IL18R1: variants seen among roughly 807,000 people sequenced by gnomAD.
The protein encoded by IL18R1 is interleukin-18 receptor 1.
IL18R1 carries 40 observed loss-of-function variants against 48.5 expected under a neutral mutation model. That is an observed-to-expected ratio of 0.82 (90% CI 0.64 to 1.07). IL18R1 has a LOEUF of 1.07. Ranked by LOEUF, IL18R1 falls within the 50% of genes least tolerant of loss-of-function variation. IL18R1 has a pLI of 0.00. For synonymous variants in IL18R1, 232 were observed against 225.9 expected, an observed-to-expected ratio of 1.03 and a Z score of -0.24; for missense variants, 596 against 633.7, an observed-to-expected ratio of 0.94 and a Z score of 0.64.
intron 5 of IL18R1, among the ~76,000 whole-genome samples, chr2:102,378,004 C>T (rs1361265504): frequency 6.6e-6 from 1 of 152,210 alleles, no homozygotes; most frequent in Non-Finnish European, 1.5e-5. Flanking sequence ...GTATAATCAT[C>T]TACCCTAAAC....
At position 102,386,897 on chromosome 2, in the gene IL18R1, G is replaced by C. The variant is rs1310550045; in HGVS notation, c.846G>C (p.Leu282Phe). The C allele has an allele frequency of 6.2e-7, 1 of 1,614,136 alleles. No individual in the cohort carries two copies. Among genetic ancestry groups the C allele is most frequent in the Admixed American group, 1.7e-5 (1 of 60,022 alleles). Residue 282 changes from leucine (L) to phenylalanine (F), a missense_variant, in exon 8 of 11, where the codon TTG becomes TTC. Leu to Phe is a conservative substitution (Grantham distance 22). Around this residue, in one of 3 missense-constraint regions of IL18R1, gnomAD observed 360 missense variants for 339.4 expected, o/e 1.06. Coordinates refer to ENST00000233957, the MANE Select transcript of IL18R1 (RefSeq NM_003855.5). ...GCAAATGGCATGCTTCAAAAGTATTGAGAATTGAAAATATTGGTGAAAGCA... is the reference window on the plus strand; with the variant it reads ...GCAAATGGCATGCTTCAAAAGTATTCAGAATTGAAAATATTGGTGAAAGCA... Reference protein sequence around the residue: ...PEGKWHASKVLRIENIGESNL... With the variant: ...PEGKWHASKVFRIENIGESNL...
chr2:102,359,817 T>G (rs1387833982), intron 1 of IL18R1, among the ~76,000 whole-genome samples: 1 of 152,162 alleles, frequency 6.6e-6, no homozygotes, highest in Admixed American at 6.5e-5. Flanking sequence ...TCGAGTAACA[T>G]CCAGGAAATA....
chr2:102,369,796 A>G (rs981122958), intron 3 of IL18R1, among the ~76,000 whole-genome samples: 1 of 152,234 alleles, frequency 6.6e-6, no homozygotes, highest in Non-Finnish European at 1.5e-5. Context: ...TTAGGAGTAC[A>G]TTGCTAATAA....
chr2:102,369,612 TACAG>T (rs1473137645), intron 3 of IL18R1, among the ~76,000 whole-genome samples: 4 of 152,198 alleles, frequency 2.6e-5, no homozygotes, highest in African/African-American at 9.7e-5. Flanking sequence ...GCATAGAAGA[TACAG>T]ACATATTCAA....
intron 8 of IL18R1, 48 bp downstream of exon 8, chr2:102,387,048 C>T (rs774704890): frequency 6.4e-7 from 1 of 1,574,020 alleles, no homozygotes; most frequent in South Asian, 1.2e-5. Flanking sequence ...CTCATTGCTA[C>T]TGAGAGACAT....
At chr2:102,389,447 T>A (rs905183003) in intron 8 of IL18R1, among the ~76,000 whole-genome samples, 2 of 152,226 alleles carry the variant, frequency 1.3e-5, no homozygotes, top group African/African-American at 4.8e-5. Flanking sequence ...CAAATGATAC[T>A]TTTATACAAA....
At chr2:102,360,418 C>T (rs552243102) in intron 1 of IL18R1, among the ~76,000 whole-genome samples, 16 of 152,230 alleles carry the variant, frequency 1.1e-4, no homozygotes, top group African/African-American at 3.6e-4. Flanking sequence ...TGCCTGCCAA[C>T]GTGCCTGGCT....
At chr2:102,389,939 G>A (rs565614870) in intron 8 of IL18R1, 117 bp from the exon 9 acceptor site, 105 of 831,900 alleles carry the variant, frequency 1.3e-4, no homozygotes, top group Non-Finnish European at 1.8e-4. Context: ...GTGTCAGCAC[G>A]TGGGTTGGCA....
At chr2:102,375,850 C>T (rs906509924) in intron 4 of IL18R1, 57 bp from the exon 5 acceptor site, 4 of 1,251,674 alleles carry the variant, frequency 3.2e-6, no homozygotes, top group African/African-American at 1.6e-5. Context: ...ATTTGGATCA[C>T]TGTAATATCA....
chr2:102,368,123 A>T, intron 3 of IL18R1, 55 bp downstream of exon 3: 1 of 1,595,442 alleles, frequency 6.3e-7, no homozygotes, highest in Non-Finnish European at 8.6e-7. Flanking sequence ...TCCTTTGTTC[A>T]GCAACTCAAA....
At chr2:102,371,611 C>G (rs2105061441) in intron 3 of IL18R1, among the ~76,000 whole-genome samples, 1 of 152,288 alleles carries the variant, frequency 6.6e-6, no homozygotes. Flanking sequence ...ACTCTCTGAA[C>G]TTATCCATCA....
intron 4 of IL18R1, 110 bp downstream of exon 4, chr2:102,372,228 C>T (rs1351533287): frequency 2.4e-6 from 2 of 838,038 alleles, no homozygotes; most frequent in Admixed American, 3.4e-5. Context: ...GCTGCCTGAT[C>T]CCACATGGCT....
chr2:102,392,124 A>G lies in IL18R1; in HGVS notation c.1111+1907A>G, dbSNP rs1026741704. On this transcript the variant is annotated intron_variant, in intron 9 of 10. Coordinates refer to ENST00000233957, the MANE Select transcript of IL18R1 (RefSeq NM_003855.5). ...AAGCAAAACAGCCTTCTTAACCTCA[A>G]GTTATACAAAAATTATATTAGTTCC... Among the ~76,000 whole-genome samples the G allele has an allele frequency of 2.0e-5, 3 of 152,200 alleles. No homozygotes were observed. The South Asian group carries it at 6.2e-4, about 31-fold the overall frequency.
At chr2:102,382,459 T>A (rs1347907559) in intron 6 of IL18R1, among the ~76,000 whole-genome samples, 5 of 152,124 alleles carry the variant, frequency 3.3e-5, no homozygotes, top group Admixed American at 3.3e-4. Context: ...TCCAATTGAG[T>A]AATTTCTTTC....
intron 1 of IL18R1, among the ~76,000 whole-genome samples, chr2:102,360,078 G>A (rs533998442): frequency 6.6e-6 from 1 of 152,232 alleles, no homozygotes; most frequent in African/African-American, 2.4e-5. Flanking sequence ...CAAAAAAACT[G>A]AGCCATCCTG....
intron 9 of IL18R1, among the ~76,000 whole-genome samples, chr2:102,393,560 G>A (rs1680660476): frequency 6.6e-6 from 1 of 152,188 alleles, no homozygotes; most frequent in South Asian, 2.1e-4. Context: ...CACCATAAGA[G>A]ACATAGATCT....
chr2:102,393,604 G>A (rs1334618623), intron 9 of IL18R1, among the ~76,000 whole-genome samples: 1 of 152,166 alleles, frequency 6.6e-6, no homozygotes, highest in Non-Finnish European at 1.5e-5. Context: ...TTTAATAGGG[G>A]TTGCAGTTAT....
chr2:102,357,274 G>A (rs894252658), intron 1 of IL18R1, among the ~76,000 whole-genome samples: 3 of 152,076 alleles, frequency 2.0e-5, no homozygotes, highest in African/African-American at 2.4e-5. Flanking sequence ...GGCGGATCAT[G>A]AGGTCAGGAG....
intron 5 of IL18R1, among the ~76,000 whole-genome samples, chr2:102,380,576 C>T (rs1337841794): frequency 1.3e-5 from 2 of 152,212 alleles, no homozygotes; most frequent in African/African-American, 4.8e-5. Context: ...ATAACCCAGA[C>T]CTGACTCTGA....
Sources: allele counts gnomAD v4.1 joint callset (sites outside exome capture counted in the v4.1 genomes callset), GRCh38; gene constraint gnomAD v4.1.1; regional missense constraint gnomAD v4.1.1; transcripts MANE v1.5; gene names NCBI Gene and HGNC (gene_info 2026-07-23, HGNC 2026-07-21).